The following CPS1 variants were observed in gnomAD, a reference collection of about 807,000 sequenced individuals.
CPS1 encodes the protein carbamoyl-phosphate synthase 1, also known as carbamoyl-phosphate synthase [ammonia], mitochondrial.
In CPS1, 109 loss-of-function variants were observed where a neutral mutation model predicts 174.6. The observed-to-expected ratio is 0.62, with a 90% confidence interval of 0.53 to 0.73. The LOEUF is 0.73. CPS1 is among the 30% of genes least tolerant of loss of function. The probability of loss-of-function intolerance (pLI) is 0.00; values close to 1 mark genes in which losing one functional copy is unlikely to be tolerated. For missense variants in CPS1, 1,689 were observed against 1,821.9 expected, an observed-to-expected ratio of 0.93 and a Z score of 1.33; for synonymous variants, 637 against 632.0, an observed-to-expected ratio of 1.01 and a Z score of -0.12.
intron 23 of CPS1, 61 bp downstream of exon 23, chr2:210,639,276 G>T: frequency 7.8e-7 from 1 of 1,278,976 alleles, no homozygotes; most frequent in Non-Finnish European, 1.1e-6. Context: ...GTTCACATTA[G>T]GGAATATATA....
chr2:210,553,616 C>T (rs563277339), upstream of CPS1, among the ~76,000 whole-genome samples: 7 of 152,094 alleles, frequency 4.6e-5, no homozygotes, highest in South Asian at 1.0e-3. Flanking sequence ...TCATGCCTGT[C>T]ACTCTGCTCA....
intron 1 of CPS1, among the ~76,000 whole-genome samples, chr2:210,566,987 C>A (rs933493961): frequency 1.3e-5 from 2 of 151,958 alleles, no homozygotes. Context: ...AATCCAAATT[C>A]TCAACTTATT....
At chr2:210,523,479 T>G (rs1313132835) in intron 1 of CPS1, among the ~76,000 whole-genome samples, 1 of 151,990 alleles carries the variant, frequency 6.6e-6, no homozygotes, top group Non-Finnish European at 1.5e-5. Flanking sequence ...CAATTTCTCC[T>G]CTCTCACCTC....
intron 33 of CPS1, among the ~76,000 whole-genome samples, chr2:210,666,312 C>A (rs1457984401): frequency 1.3e-5 from 2 of 149,658 alleles, no homozygotes; most frequent in Non-Finnish European, 3.0e-5. Flanking sequence ...TTTTGCTGTG[C>A]AGAAGCTCTT....
At chr2:210,523,964 T>G (rs1316882703) in intron 1 of CPS1, among the ~76,000 whole-genome samples, 4 of 151,996 alleles carry the variant, frequency 2.6e-5, no homozygotes, top group Non-Finnish European at 4.4e-5. Flanking sequence ...ATGAGGGAAA[T>G]GCAGTCCGCA....
chr2:210,658,743 G>T, intron 31 of CPS1, 55 bp downstream of exon 31: 1 of 1,280,588 alleles, frequency 7.8e-7, no homozygotes, highest in Non-Finnish European at 1.1e-6. Context: ...CGTCATGTTG[G>T]TTTGCATCTC....
At chr2:210,653,168 G>A (rs1700609243) in intron 28 of CPS1, among the ~76,000 whole-genome samples, 1 of 152,132 alleles carries the variant, frequency 6.6e-6, no homozygotes, top group Non-Finnish European at 1.5e-5. Context: ...TAGAATACAC[G>A]TGGGGAAGAG....
At chr2:210,494,188 GA>G (rs997900509) in intron 1 of CPS1, among the ~76,000 whole-genome samples, 1 of 151,986 alleles carries the variant, frequency 6.6e-6, no homozygotes, top group Non-Finnish European at 1.5e-5. Flanking sequence ...AATTTCATAA[GA>G]AAAAAATGGG....
In CPS1 at chr2:210,608,559, G is replaced by A. The variant is rs1181945940; in HGVS notation, c.2391G>A (p.Glu797=). 3.1e-6 allele frequency: 5 copies of A among 1,611,114 alleles called. No individual in the cohort carries two copies. Among genetic ancestry groups the A allele is most frequent in the Middle Eastern group, 1.7e-4 (1 of 6,046 alleles). Residue 797 remains glutamate (E), a splice_region_variant and synonymous_variant, in exon 19 of 38, where the codon GAG becomes GAA. Coordinates refer to ENST00000233072, the MANE Select transcript of CPS1 (RefSeq NM_001875.5). ...GTAGCTCTATGAAAAGTGTAGGAGA[G>A]GTGAGTCCTTGGTTTATTACGCTTT... is the stretch of plus-strand genomic sequence containing the variant. The part of the protein sequence containing the change: ...RIGSSMKSVG[E]VMAIGRTFEE...
At chr2:210,530,210 T>A (rs1424620786) in intron 1 of CPS1, among the ~76,000 whole-genome samples, 2 of 152,056 alleles carry the variant, frequency 1.3e-5, no homozygotes, top group Non-Finnish European at 2.9e-5. Flanking sequence ...TGTTCTATTG[T>A]TAAGTAATAC....
At chr2:210,667,773 A>G (rs886947442) in intron 33 of CPS1, among the ~76,000 whole-genome samples, 1 of 152,196 alleles carries the variant, frequency 6.6e-6, no homozygotes, top group African/African-American at 2.4e-5. Context: ...CATAGTATAT[A>G]TGACACATAC....
intron 12 of CPS1, 67 bp from the exon 13 acceptor site, chr2:210,595,420 A>G (rs1698451266): frequency 3.6e-6 from 4 of 1,123,608 alleles, no homozygotes; most frequent in Non-Finnish European, 1.4e-6. Flanking sequence ...GTCTTCTCCA[A>G]TCTTGAAAAT....
rs117454165 is a variant in CPS1, at chr2:210,514,038, C to T, written c.3+36272C>T. Among the ~76,000 whole-genome samples, 63 of 152,072 alleles carry T rather than the reference C, an allele frequency of 4.1e-4. No homozygotes were observed. The East Asian group carries it at 5.2e-3, about 13-fold the overall frequency. On this transcript the variant is annotated intron_variant, in intron 1 of 38. Coordinates refer to the CPS1 transcript ENST00000430249. Reference sequence around the variant, plus strand: ...GGGCTCTCTATTCTGTTTCATTGGTCTATATGCCTGTTTTTGTAGCAGTAG... The same window carrying T: ...GGGCTCTCTATTCTGTTTCATTGGTTTATATGCCTGTTTTTGTAGCAGTAG...
chr2:210,615,814 T>TA (rs1341826723), intron 20 of CPS1, among the ~76,000 whole-genome samples: 4 of 152,028 alleles, frequency 2.6e-5, no homozygotes, highest in Non-Finnish European at 4.4e-5. Context: ...ATTAGGATTT[T>TA]AAAAAATGCC....
chr2:210,559,529 A>G (rs188307669), intron 1 of CPS1, among the ~76,000 whole-genome samples: 1 of 152,278 alleles, frequency 6.6e-6, no homozygotes, highest in East Asian at 1.9e-4. Flanking sequence ...GGTGCTCTAT[A>G]TTTTAAAGAA....
intron 1 of CPS1, among the ~76,000 whole-genome samples, chr2:210,544,389 C>T (rs1696510465): frequency 6.6e-6 from 1 of 152,048 alleles, no homozygotes; most frequent in Admixed American, 6.6e-5. Context: ...ATGATGCACA[C>T]AAAGGTTAAA....
chr2:210,555,067 C>G (rs980179176), upstream of CPS1, among the ~76,000 whole-genome samples: 1 of 151,992 alleles, frequency 6.6e-6, no homozygotes, highest in African/African-American at 2.4e-5. Context: ...ATTATGAATA[C>G]TATTTATGGA....
chr2:210,668,366 T>C (rs1701176247), intron 34 of CPS1, 82 bp downstream of exon 34: 1 of 945,604 alleles, frequency 1.1e-6, no homozygotes, highest in African/African-American at 1.6e-5. Context: ...AATTGTGGTA[T>C]AGAGGAAGGG....
chr2:210,629,759 A>C (rs1699807190), intron 21 of CPS1, among the ~76,000 whole-genome samples: 1 of 151,430 alleles, frequency 6.6e-6, no homozygotes, highest in Non-Finnish European at 1.5e-5. Flanking sequence ...ATCTTAAATT[A>C]AGAACCATGG....
Sources: gnomAD v4.1 joint callset for allele counts (sites outside exome capture counted in the v4.1 genomes callset) on GRCh38, gnomAD v4.1.1 for gene constraint, MANE v1.5 for transcripts, NCBI Gene and HGNC (gene_info 2026-07-23, HGNC 2026-07-21) for gene names.